NCOA2: variants seen among roughly 807,000 people sequenced by gnomAD.
NCOA2 encodes the protein nuclear receptor coactivator 2, also known as class E basic helix-loop-helix protein 75.
Under a neutral mutation model 145.1 loss-of-function variants are expected in NCOA2, and 21 were observed. The ratio of observed to expected loss-of-function variants is 0.14; its 90% CI spans 0.10 to 0.21. The LOEUF (loss-of-function observed/expected upper bound fraction) is 0.21. Ranked by LOEUF, NCOA2 falls within the 10% of genes least tolerant of loss-of-function variation. The probability of loss-of-function intolerance (pLI) is 1.00; values close to 1 mark genes in which losing one functional copy is unlikely to be tolerated. For synonymous variants in NCOA2, 619 were observed against 637.5 expected, an observed-to-expected ratio of 0.97 and a Z score of 0.44; for missense variants, 1,472 against 1,837.6, an observed-to-expected ratio of 0.80 and a Z score of 3.64.
chr8:70,309,517 G>A (rs1446442418), intron 1 of NCOA2, among the ~76,000 whole-genome samples: 2 of 151,714 alleles, frequency 1.3e-5, no homozygotes, highest in East Asian at 1.9e-4. Context: ...ATATAAACAG[G>A]GATATATAAA....
rs567932662 is a variant in NCOA2, at chr8:70,112,642, G to A, written c.*990C>T. 3 of 200,324 alleles carry A rather than the reference G, an allele frequency of 1.5e-5. No homozygotes were observed. Among genetic ancestry groups the A allele is most frequent in the East Asian group, 1.5e-4 (2 of 12,954 alleles). The allele number at this position is 200,324 out of a possible 1,614,324, so 12.4% of individuals were successfully genotyped here. The stretch of plus-strand genomic sequence containing the variant: ...TTTGCTCTTCTCCTTGCCAGTAAAT[G>A]CATTTTTTTTTTCTGAAATTCAATA... On this transcript the variant is annotated 3_prime_UTR_variant, in exon 23 of 23. Coordinates refer to ENST00000452400, the MANE Select transcript of NCOA2 (RefSeq NM_006540.4).
At chr8:70,431,928 T>C in the NCOA2 span, among the ~76,000 whole-genome samples, 6 of 152,350 alleles carry the variant, frequency 3.9e-5, no homozygotes, top group African/African-American at 1.4e-4. Context: ...TTCATACACT[T>C]GAAAGACATG....
At chr8:70,382,376 G>A (rs1812277747) in intron 1 of NCOA2, among the ~76,000 whole-genome samples, 2 of 152,088 alleles carry the variant, frequency 1.3e-5, no homozygotes, top group Admixed American at 1.3e-4. Flanking sequence ...CTAGAATAAA[G>A]GGTTGTTTAG....
Position 70,137,498 on chromosome 8 carries a change from T to C in NCOA2, c.3158+705A>G, listed in dbSNP as rs186169400. ...TATTATACATTTGTCCTGTGTTATA[T>C]TCAAGTTTCCATGGAAATGGGTGGG... On this transcript the variant is annotated intron_variant, in intron 15 of 22. Transcript: ENST00000452400. Among the ~76,000 whole-genome samples the C allele has an allele frequency of 1.4e-3, 208 of 152,370 alleles. 1 individual carries two copies. Among genetic ancestry groups the C allele is most frequent in the African/African-American group, 4.7e-3 (194 of 41,590 alleles).
chr8:70,189,121 G>A (rs7015854), intron 4 of NCOA2, among the ~76,000 whole-genome samples: 115,435 of 151,970 alleles, frequency 0.76, 44,921 homozygotes, highest in Non-Finnish European at 0.84. Context: ...TTTTTCCTCC[G>A]GACACGCCCA....
At chr8:70,200,943 G>A (rs1014080402) in intron 4 of NCOA2, among the ~76,000 whole-genome samples, 3 of 150,654 alleles carry the variant, frequency 2.0e-5, no homozygotes, top group East Asian at 2.0e-4. Flanking sequence ...AGCTACTTGG[G>A]AGGCTGAGGT....
At chr8:70,136,081 T>C (rs539288417) in intron 15 of NCOA2, among the ~76,000 whole-genome samples, 57 of 152,282 alleles carry the variant, frequency 3.7e-4, no homozygotes, top group Middle Eastern at 3.4e-3. Flanking sequence ...CAAATTAAAA[T>C]TGTGAACTTA....
Position 70,390,932 on chromosome 8 carries a change from G to T in NCOA2, c.-77+12768C>A, listed in dbSNP as rs1449197214. On this transcript the variant is annotated intron_variant, in intron 1 of 22. Coordinates refer to ENST00000452400, the MANE Select transcript of NCOA2 (RefSeq NM_006540.4). Reference sequence around the variant, plus strand: ...CCTATGAATGATTTTTACATTTATGGTCTATTTCTCAAAGTGAGAATGAAC... The same window carrying T: ...CCTATGAATGATTTTTACATTTATGTTCTATTTCTCAAAGTGAGAATGAAC... 2.6e-4 allele frequency among the ~76,000 whole-genome samples: 40 copies of T among 152,110 alleles called. 1 individual carries two copies. The highest frequency in any genetic ancestry group is 2.9e-5 in the Non-Finnish European group (2 of 68,024).
chr8:70,151,693 T>C (rs911112599), intron 11 of NCOA2, among the ~76,000 whole-genome samples: 1 of 152,216 alleles, frequency 6.6e-6, no homozygotes, highest in Non-Finnish European at 1.5e-5. Flanking sequence ...TCATTCAAGC[T>C]TGGCATCTGA....
intron 2 of NCOA2, among the ~76,000 whole-genome samples, chr8:70,266,923 C>T (rs1347059141): frequency 6.6e-6 from 1 of 152,134 alleles, no homozygotes; most frequent in Non-Finnish European, 1.5e-5. Flanking sequence ...TCATTTATTC[C>T]ACAGGGCAAT....
intron 9 of NCOA2, among the ~76,000 whole-genome samples, chr8:70,160,331 T>G (rs1324832008): frequency 1.3e-5 from 2 of 152,164 alleles, no homozygotes; most frequent in Admixed American, 6.6e-5. Context: ...TTGGTTTAAC[T>G]TTTAGATAAG....
At chr8:70,314,841 T>C (rs182040821) in intron 1 of NCOA2, among the ~76,000 whole-genome samples, 1 of 152,320 alleles carries the variant, frequency 6.6e-6, no homozygotes, top group Non-Finnish European at 1.5e-5. Flanking sequence ...GAAACGCAAG[T>C]GTGCTATGTA....
intron 4 of NCOA2, among the ~76,000 whole-genome samples, chr8:70,206,671 T>C (rs114982110): frequency 8.7e-4 from 133 of 152,238 alleles, no homozygotes; most frequent in African/African-American, 3.0e-3. Context: ...AATTCCAATA[T>C]TGCTTACTGT....
At chr8:70,363,276 G>A (rs987778708) in intron 1 of NCOA2, among the ~76,000 whole-genome samples, 14 of 151,572 alleles carry the variant, frequency 9.2e-5, no homozygotes, top group African/African-American at 3.1e-4. Flanking sequence ...CCAGCTACTC[G>A]GGAGGCTGAG....
At chr8:70,394,628 C>T (rs1243764121) in intron 1 of NCOA2, among the ~76,000 whole-genome samples, 3 of 152,150 alleles carry the variant, frequency 2.0e-5, no homozygotes, top group Non-Finnish European at 2.9e-5. Context: ...AAGAGGCAGG[C>T]ATTCTTCAAG....
intron 1 of NCOA2, among the ~76,000 whole-genome samples, chr8:70,365,371 A>T (rs1189379149): frequency 6.6e-6 from 1 of 152,130 alleles, no homozygotes; most frequent in East Asian, 1.9e-4. Flanking sequence ...CAAACAAACA[A>T]AAAAAACAGG....
chr8:70,216,788 G>C (rs1230531442), intron 2 of NCOA2, 24 bp from the exon 3 acceptor site: 2 of 1,450,680 alleles, frequency 1.4e-6, no homozygotes, highest in East Asian at 4.5e-5. Context: ...CAGAGAAGAG[G>C]AAGAAAAAAA....
Position 70,156,808 on chromosome 8 carries a change from A to C in NCOA2, c.1557T>G (p.Val519=). 1 of 1,613,974 alleles carries C rather than the reference A, an allele frequency of 6.2e-7. No individual in the cohort carries two copies. The highest frequency in any genetic ancestry group is 8.5e-7 in the Non-Finnish European group (1 of 1,179,874). The change falls in exon 11 of 23, where the codon GTT becomes GTG. Residue 519 remains valine (V), a synonymous_variant. Coordinates refer to ENST00000452400, the MANE Select transcript of NCOA2 (RefSeq NM_006540.4). ...TATGGCTATTTCCTGTGCTGCTGCAAACTCCCACAGGGGAATGCAAGCTTC... is the reference window on the plus strand; with the variant it reads ...TATGGCTATTTCCTGTGCTGCTGCACACTCCCACAGGGGAATGCAAGCTTC... ...PAGSLHSPVG[V]CSSTGNSHSY...
intron 1 of NCOA2, among the ~76,000 whole-genome samples, chr8:70,365,888 A>G (rs371574484): frequency 6.6e-6 from 1 of 152,356 alleles, no homozygotes; most frequent in East Asian, 1.9e-4. Flanking sequence ...GCAAAACCAC[A>G]GGTGCAAGAG....
Sources: allele counts gnomAD v4.1 joint callset (sites outside exome capture counted in the v4.1 genomes callset), GRCh38; gene constraint gnomAD v4.1.1; transcripts MANE v1.5; gene names NCBI Gene and HGNC (gene_info 2026-07-23, HGNC 2026-07-21).